VPS13C: variants seen among roughly 807,000 people sequenced by gnomAD.
VPS13C encodes intermembrane lipid transfer protein VPS13C.
Under a neutral mutation model 456.8 loss-of-function variants are expected in VPS13C, and 358 were observed. The ratio of observed to expected loss-of-function variants is 0.78; its 90% CI spans 0.72 to 0.86. The LOEUF is 0.86. Among genes scored for constraint, VPS13C ranks in the 40% least tolerant of loss-of-function variants. The pLI is 0.00. For synonymous variants in VPS13C, 1,578 were observed against 1,486.7 expected, an observed-to-expected ratio of 1.06 and a Z score of -1.41; for missense variants, 4,818 against 4,385.4, an observed-to-expected ratio of 1.10 and a Z score of -2.79.
intron 1 of VPS13C, among the ~76,000 whole-genome samples, chr15:62,059,663 A>G (rs936319126): frequency 1.1e-4 from 16 of 152,192 alleles, no homozygotes; most frequent in Non-Finnish European, 1.9e-4. Context: ...TTGACGGAAA[A>G]GTAAATATTA....
chr15:61,992,671 A>G (rs1432714375), intron 16 of VPS13C, among the ~76,000 whole-genome samples: 1 of 152,112 alleles, frequency 6.6e-6, no homozygotes, highest in Non-Finnish European at 1.5e-5. Flanking sequence ...GAGTATATAC[A>G]TTTTCAAGCC....
In VPS13C at chr15:61,918,146, C is replaced by A. The variant is rs767843770; in HGVS notation, c.7750G>T (p.Asp2584Tyr). ...RPEEEFHVPL[D>Y]SYRCQLFIQP... is the part of the protein sequence containing the mutation. The stretch of plus-strand genomic sequence containing the variant: ...TTAAGAAGTATCTACCTATATGAAT[C>A]TAAAGGAACATGGAACTCCTCTTCA... Residue 2584 changes from aspartate to tyrosine, a missense_variant, in exon 59 of 85, where the codon GAT (aspartate) becomes TAT (tyrosine). By Grantham distance (160) the Asp-to-Tyr change is radical. Around this residue, in one of 3 missense-constraint regions of VPS13C, gnomAD observed 4,552 missense variants for 4,130.6 expected, o/e 1.10. Coordinates refer to ENST00000644861, the MANE Select transcript of VPS13C (RefSeq NM_020821.3). The A allele has an allele frequency of 6.3e-7, 1 of 1,591,222 alleles. No individual in the cohort carries two copies. The highest frequency in any genetic ancestry group is 1.2e-5 in the South Asian group (1 of 85,560).
At chr15:62,044,345 GC>G in intron 1 of VPS13C, 90 bp from the exon 2 acceptor site, 1 of 727,778 alleles carries the variant, frequency 1.4e-6, no homozygotes, top group Non-Finnish European at 2.2e-6. Context: ...AAGAAACTGG[GC>G]TAAGTGCTAA....
At chr15:62,005,849 C>T (rs1370651224) in intron 15 of VPS13C, among the ~76,000 whole-genome samples, 1 of 151,466 alleles carries the variant, frequency 6.6e-6, no homozygotes, top group Non-Finnish European at 1.5e-5. Context: ...ATTACGGGTG[C>T]CCACCACCAC....
intron 58 of VPS13C, 26 bp from the exon 59 acceptor site, chr15:61,918,283 T>C: frequency 1.3e-6 from 2 of 1,517,302 alleles, no homozygotes; most frequent in Non-Finnish European, 1.8e-6. Flanking sequence ...AAATACAAGT[T>C]TTTTAAAAGA....
Position 61,915,878 on chromosome 15 carries a change from G to C in VPS13C, c.8200C>G (p.Pro2734Ala), listed in dbSNP as rs200870081. The change falls in exon 61 of 85, where the codon CCA (proline) becomes GCA (alanine). Residue 2734 changes from proline to alanine, a missense_variant. Pro to Ala is a conservative substitution (Grantham distance 27). This residue lies in a region of VPS13C where 4,552 missense variants were observed against 4,130.6 expected (regional missense o/e 1.10). Transcript: ENST00000644861. Reference sequence around the variant, plus strand: ...GAAAAACACACAGGAAAGAATTCTGGTAGTGTATCACGTATGCGGAAATGT... The same window carrying C: ...GAAAAACACACAGGAAAGAATTCTGCTAGTGTATCACGTATGCGGAAATGT... The part of the protein sequence containing the change: ...NGHFRIRDTL[P>A]EFFPVCFSSD... The C allele has an allele frequency of 6.2e-7, 1 of 1,613,932 alleles. No individual in the cohort carries two copies. The highest frequency in any genetic ancestry group is 8.5e-7 in the Non-Finnish European group (1 of 1,179,982).
At chr15:61,862,288 C>T (rs1894268782) in intron 82 of VPS13C, among the ~76,000 whole-genome samples, 1 of 152,064 alleles carries the variant, frequency 6.6e-6, no homozygotes, top group Non-Finnish European at 1.5e-5. Context: ...CTAATTACCT[C>T]CTAAACAACT....
At chr15:62,015,759 C>T (rs1475716526) in intron 9 of VPS13C, among the ~76,000 whole-genome samples, 10 of 113,964 alleles carry the variant, frequency 8.8e-5, no homozygotes, top group Admixed American at 1.1e-4. Flanking sequence ...GGGAATATCA[C>T]ACTCTGGGGA....
chr15:62,017,869 T>C (rs1451788503), intron 9 of VPS13C, among the ~76,000 whole-genome samples: 8 of 152,006 alleles, frequency 5.3e-5, no homozygotes, highest in Non-Finnish European at 8.8e-5. Flanking sequence ...CTATAAATTA[T>C]CTTGGGCAGT....
intron 23 of VPS13C, 72 bp from the exon 24 acceptor site, chr15:61,977,271 T>A: frequency 2.3e-6 from 2 of 876,218 alleles, no homozygotes; most frequent in Non-Finnish European, 3.3e-6. Flanking sequence ...AATATTATTT[T>A]TAATGAATAT....
intron 6 of VPS13C, among the ~76,000 whole-genome samples, chr15:62,025,348 C>T (rs1242535732): frequency 6.6e-6 from 1 of 152,064 alleles, no homozygotes; most frequent in Non-Finnish European, 1.5e-5. Flanking sequence ...TAATGTAACA[C>T]AATCAGGATA....
intron 81 of VPS13C, 81 bp downstream of exon 81, chr15:61,868,577 CT>C: frequency 8.4e-7 from 1 of 1,192,936 alleles, no homozygotes; most frequent in East Asian, 2.4e-5. Flanking sequence ...GAATCAGGAA[CT>C]TTAAGAACCA....
chr15:61,932,317 A>C (rs1319587591), intron 49 of VPS13C, among the ~76,000 whole-genome samples: 1 of 152,168 alleles, frequency 6.6e-6, no homozygotes, highest in Non-Finnish European at 1.5e-5. Context: ...AAACAATTCA[A>C]GATGCTTTAG....
intron 3 of VPS13C, 34 bp downstream of exon 3, chr15:62,041,290 C>T (rs2140711625): frequency 9.5e-6 from 15 of 1,582,496 alleles, no homozygotes; most frequent in Non-Finnish European, 1.3e-5. Context: ...ACAATAGGAC[C>T]AAGAATAATT....
chr15:61,915,687 G>C lies in VPS13C; in HGVS notation c.8391C>G (p.Phe2797Leu), dbSNP rs376212800. Residue 2797 changes from phenylalanine (F) to leucine (L), a missense_variant, in exon 61 of 85, where the codon TTC becomes TTG. By Grantham distance (22) the Phe-to-Leu change is conservative. This residue lies in a region of VPS13C where 4,552 missense variants were observed against 4,130.6 expected (regional missense o/e 1.10). Transcript: ENST00000644861. ...TGAAAGAAAATAAAATAATATCCCTGAAATCAGCTGGATGTTTCACATGAA... is the reference window on the plus strand; with the variant it reads ...TGAAAGAAAATAAAATAATATCCCTCAAATCAGCTGGATGTTTCACATGAA... The part of the protein sequence containing the change: ...EDIHVKHPAD[F>L]RDIILFSFKK... 2.5e-6 allele frequency: 4 copies of C among 1,607,738 alleles called. No individual in the cohort carries two copies. The highest frequency in any genetic ancestry group is 2.5e-6 in the Non-Finnish European group (3 of 1,178,644).
intron 1 of VPS13C, among the ~76,000 whole-genome samples, chr15:62,058,508 A>G (rs1299319302): frequency 6.6e-6 from 1 of 152,230 alleles, no homozygotes; most frequent in Non-Finnish European, 1.5e-5. Context: ...CAAATTAAAA[A>G]ACAACAGAAC....
chr15:61,929,430 C>A, intron 51 of VPS13C, 71 bp downstream of exon 51: 1 of 1,520,286 alleles, frequency 6.6e-7, no homozygotes, highest in Non-Finnish European at 8.8e-7. Flanking sequence ...TTTTTCATTT[C>A]TCTTTTTTCT....
chr15:61,943,809 T>G (rs1012068290), intron 45 of VPS13C, among the ~76,000 whole-genome samples: 1 of 151,912 alleles, frequency 6.6e-6, no homozygotes, highest in African/African-American at 2.4e-5. Context: ...TTAAAGAGCT[T>G]CTGCACTACA....
rs1340538325 is a variant in VPS13C at position 61,865,420 on chromosome 15, T to C, written c.10864-1892A>G. Reference sequence around the variant, plus strand: ...TGTTAATGAGGCATTTCTAAGAACATGGAAAAATATAACTAAAACTAAAAA... The same window carrying C: ...TGTTAATGAGGCATTTCTAAGAACACGGAAAAATATAACTAAAACTAAAAA... On this transcript the variant is annotated intron_variant, in intron 81 of 84. Transcript: ENST00000644861. 1.3e-5 allele frequency: 13 copies of C among 984,216 alleles called. No homozygotes were observed. The African/African-American group carries it at 2.1e-4, about 16-fold the overall frequency. 61.0% of individuals were successfully genotyped at this position (984,216 alleles called of 1,614,324 possible). A position where few individuals can be genotyped will look rare whatever the true frequency, so the allele number is the denominator to read the frequency against.
Sources: gnomAD v4.1 joint callset for allele counts (sites outside exome capture counted in the v4.1 genomes callset) on GRCh38, gnomAD v4.1.1 for gene constraint, gnomAD v4.1.1 regional missense constraint, MANE v1.5 for transcripts, NCBI Gene and HGNC (gene_info 2026-07-23, HGNC 2026-07-21) for gene names.